Variants in LIPC observed in about 807,000 individuals in gnomAD.
LIPC encodes the protein hepatic triacylglycerol lipase.
In LIPC, 44 loss-of-function variants were observed where a neutral mutation model predicts 50.7. The ratio of observed to expected loss-of-function variants is 0.87; its 90% CI spans 0.68 to 1.11. The LOEUF is 1.11. LIPC is among the 50% of genes most tolerant of loss of function. The probability of loss-of-function intolerance (pLI) is 0.00; values close to 1 mark genes in which losing one functional copy is unlikely to be tolerated. For synonymous variants in LIPC, 271 were observed against 256.4 expected (o/e 1.06, Z -0.54); for missense variants, 697 against 648.2 (o/e 1.08, Z -0.82).
chr15:58,471,134 CTTTT>C lies in LIPC; in HGVS notation c.88+39031_88+39034del, dbSNP rs34225435. Among the ~76,000 whole-genome samples the C allele has an allele frequency of 7.0e-5, 8 of 114,646 alleles. No individual in the cohort carries two copies. In the East Asian group the frequency reaches 7.5e-4, roughly 11 times the overall value. The allele number at this position is 114,646 out of a possible 152,430, so 75.2% of individuals were successfully genotyped here. ...AAGTAGGATTTTTTTTTTCTTTTCT[CTTTT>C]TTTTTTTTTTTTTTTTGAGATGCGG... On this transcript the variant is annotated intron_variant, in intron 1 of 8. Transcript: ENST00000299022.
chr15:58,558,546 C>A (rs576085331), intron 6 of LIPC, among the ~76,000 whole-genome samples: 52 of 152,310 alleles, frequency 3.4e-4, no homozygotes, highest in South Asian at 2.7e-3. Context: ...GAGCAGTGGG[C>A]GAGCAAGCAT....
At chr15:58,479,497 G>A (rs570847283) in intron 1 of LIPC, among the ~76,000 whole-genome samples, 27 of 152,176 alleles carry the variant, frequency 1.8e-4, no homozygotes, top group Admixed American at 1.4e-3. Flanking sequence ...TTGGGTCTCT[G>A]CCTGGTCCGC....
chr15:58,436,323 C>T, intron 1 of LIPC: 1 of 161,442 alleles, frequency 6.2e-6, no homozygotes, highest in Non-Finnish European at 1.4e-5. Flanking sequence ...TTTCAATTCT[C>T]TCATCCTAGG....
At chr15:58,465,154 G>T (rs1330371360) in intron 1 of LIPC, among the ~76,000 whole-genome samples, 1 of 152,144 alleles carries the variant, frequency 6.6e-6, no homozygotes, top group African/African-American at 2.4e-5. Context: ...AGGAACCAGG[G>T]GAAAAAGAAG....
At chr15:58,509,141 C>T (rs1334567788) in intron 1 of LIPC, among the ~76,000 whole-genome samples, 5 of 152,222 alleles carry the variant, frequency 3.3e-5, no homozygotes, top group Admixed American at 1.3e-4. Flanking sequence ...CCCAAATCCA[C>T]ACATTCTCCT....
chr15:58,513,041 G>A (rs1159130023), intron 1 of LIPC, among the ~76,000 whole-genome samples: 1 of 152,056 alleles, frequency 6.6e-6, no homozygotes, highest in African/African-American at 2.4e-5. Flanking sequence ...TCAAACTGGT[G>A]GATGTTTCAT....
intron 1 of LIPC, among the ~76,000 whole-genome samples, chr15:58,489,821 G>A (rs546374569): frequency 6.6e-6 from 1 of 152,110 alleles, no homozygotes; most frequent in African/African-American, 2.4e-5. Flanking sequence ...TTGGGGAGTG[G>A]CTATTATCCT....
intron 1 of LIPC, among the ~76,000 whole-genome samples, chr15:58,505,027 G>A (rs1365699636): frequency 1.3e-5 from 2 of 152,230 alleles, no homozygotes; most frequent in African/African-American, 2.4e-5. Flanking sequence ...TCATGCAGAA[G>A]CTGGAGGAAC....
At chr15:58,543,961 A>G (rs927306000) in intron 4 of LIPC, among the ~76,000 whole-genome samples, 2 of 152,196 alleles carry the variant, frequency 1.3e-5, no homozygotes, top group African/African-American at 2.4e-5. Flanking sequence ...TGCTATTACC[A>G]TTCCTTTATA....
intron 6 of LIPC, among the ~76,000 whole-genome samples, chr15:58,557,673 C>T (rs2140945361): frequency 6.6e-6 from 1 of 152,276 alleles, no homozygotes; most frequent in South Asian, 2.1e-4. Context: ...GCGTGAGCCA[C>T]CGCGCCCGGC....
At chr15:58,433,084 A>G (rs1182962288) in intron 1 of LIPC, among the ~76,000 whole-genome samples, 1 of 152,184 alleles carries the variant, frequency 6.6e-6, no homozygotes, top group African/African-American at 2.4e-5. Flanking sequence ...ATTGCCATTC[A>G]CTAAGTATTT....
intron 8 of LIPC, 195 bp downstream of exon 8, chr15:58,563,918 C>A: frequency 1.6e-6 from 1 of 630,138 alleles, no homozygotes. Context: ...GGATTCACAC[C>A]CAGGTCTTTG....
At chr15:58,495,329 G>T (rs561915342) in intron 1 of LIPC, among the ~76,000 whole-genome samples, 1 of 152,280 alleles carries the variant, frequency 6.6e-6, no homozygotes, top group African/African-American at 2.4e-5. Context: ...TTCCTGCCCT[G>T]CAGCTCCCTG....
At chr15:58,537,645 C>T (rs1157035495) in intron 1 of LIPC, among the ~76,000 whole-genome samples, 1 of 152,164 alleles carries the variant, frequency 6.6e-6, no homozygotes, top group Non-Finnish European at 1.5e-5. Flanking sequence ...TCAGCCACCC[C>T]TGACCCCCGC....
intron 1 of LIPC, among the ~76,000 whole-genome samples, chr15:58,444,115 T>C (rs1454525133): frequency 1.3e-5 from 2 of 152,220 alleles, no homozygotes; most frequent in Non-Finnish European, 2.9e-5. Flanking sequence ...GTCTCCTTCC[T>C]GCCTGCGACA....
intron 1 of LIPC, chr15:58,436,845 T>C (rs1030540314): frequency 3.9e-5 from 18 of 456,134 alleles, no homozygotes; most frequent in Non-Finnish European, 7.5e-5. Context: ...CCTTGTACAA[T>C]AGCAGAGGTA....
intron 1 of LIPC, among the ~76,000 whole-genome samples, chr15:58,489,080 A>C (rs1451275091): frequency 1.3e-5 from 2 of 152,010 alleles, no homozygotes; most frequent in Non-Finnish European, 2.9e-5. Context: ...CTTCACAACA[A>C]TACTGAGCTG....
intron 1 of LIPC, among the ~76,000 whole-genome samples, chr15:58,519,694 C>T (rs1201715083): frequency 6.6e-6 from 1 of 152,226 alleles, no homozygotes; most frequent in East Asian, 1.9e-4. Flanking sequence ...CAGAATAGCG[C>T]AGTTTTGATT....
chr15:58,517,238 A>G (rs1486326134), intron 1 of LIPC, among the ~76,000 whole-genome samples: 3 of 152,262 alleles, frequency 2.0e-5, no homozygotes, highest in Admixed American at 6.5e-5. Flanking sequence ...GGTTTTGACC[A>G]ATACCCAATG....
Sources: gnomAD v4.1 joint callset for allele counts (sites outside exome capture counted in the v4.1 genomes callset) on GRCh38, gnomAD v4.1.1 for gene constraint, MANE v1.5 for transcripts, NCBI Gene and HGNC (gene_info 2026-07-23, HGNC 2026-07-21) for gene names.